Variants in RABGAP1L observed in about 807,000 individuals in gnomAD.
The protein encoded by RABGAP1L is rab GTPase-activating protein 1-like.
A neutral mutation model predicts 137.7 loss-of-function variants in RABGAP1L; 63 were observed. The observed-to-expected ratio is 0.46, with a 90% CI of 0.37 to 0.56. The LOEUF (loss-of-function observed/expected upper bound fraction) is 0.56. RABGAP1L is among the 20% of genes least tolerant of loss of function. RABGAP1L has a pLI of 0.00. For missense variants in RABGAP1L, 1,095 were observed against 1,244.0 expected, an observed-to-expected ratio of 0.88 and a Z score of 1.80; for synonymous variants, 431 against 433.7, an observed-to-expected ratio of 0.99 and a Z score of 0.08.
At chr1:174,639,370 A>T (rs1363381574) in intron 14 of RABGAP1L, among the ~76,000 whole-genome samples, 1 of 152,178 alleles carries the variant, frequency 6.6e-6, no homozygotes, top group Non-Finnish European at 1.5e-5. Flanking sequence ...GGATGCCACA[A>T]AAAAAGGTAT....
At chr1:174,285,820 CTTT>C (rs1203424702) in intron 10 of RABGAP1L, among the ~76,000 whole-genome samples, 1 of 152,060 alleles carries the variant, frequency 6.6e-6, no homozygotes, top group East Asian at 1.9e-4. Flanking sequence ...TGAATTTTGT[CTTT>C]TTCTGAATCT....
At chr1:174,833,466 A>ATATATATATATATATATACAT (rs71117580) in intron 19 of RABGAP1L, among the ~76,000 whole-genome samples, 1 of 61,120 alleles carries the variant, frequency 1.6e-5, no homozygotes, top group East Asian at 3.9e-4. Flanking sequence ...ATATATATAT[A>ATATATATATATATATATACAT]TAGTAGAGAC....
chr1:174,986,641 A>G (rs1051036474), intron 24 of RABGAP1L, among the ~76,000 whole-genome samples: 2 of 152,228 alleles, frequency 1.3e-5, no homozygotes, highest in Non-Finnish European at 2.9e-5. Context: ...TTTCTGTAGG[A>G]TAAAATCAGA....
chr1:174,484,676 C>T (rs1446461193), intron 13 of RABGAP1L, among the ~76,000 whole-genome samples: 1 of 152,154 alleles, frequency 6.6e-6, no homozygotes, highest in East Asian at 1.9e-4. Flanking sequence ...ATTTTCTGAG[C>T]AACTTTGTCA....
chr1:174,968,905 G>GT (rs1442887196), intron 20 of RABGAP1L, among the ~76,000 whole-genome samples: 2 of 152,152 alleles, frequency 1.3e-5, no homozygotes, highest in Non-Finnish European at 2.9e-5. Context: ...TTCTCTTGAG[G>GT]TCAAGGGTGA....
chr1:174,318,634 T>TTC (rs1553272637), intron 11 of RABGAP1L, among the ~76,000 whole-genome samples: 120 of 90,576 alleles, frequency 1.3e-3, no homozygotes, highest in African/African-American at 4.1e-3. Context: ...CTTTCTTTCT[T>TTC]TTTCTTTCTT....
At chr1:174,434,893 C>T (rs1419628160) in intron 13 of RABGAP1L, among the ~76,000 whole-genome samples, 1 of 152,134 alleles carries the variant, frequency 6.6e-6, no homozygotes, top group Non-Finnish European at 1.5e-5. Flanking sequence ...CTTTGTTAGA[C>T]ATATGTTTTG....
intron 13 of RABGAP1L, among the ~76,000 whole-genome samples, chr1:174,467,605 T>C (rs916874308): frequency 2.6e-5 from 4 of 152,144 alleles, no homozygotes; most frequent in Admixed American, 2.6e-4. Context: ...TGACAAGTAC[T>C]GTAAATATAT....
intron 13 of RABGAP1L, among the ~76,000 whole-genome samples, chr1:174,550,899 C>T (rs866484887): frequency 0.066 from 3,349 of 51,114 alleles, 253 homozygotes; most frequent in African/African-American, 0.22. Context: ...TATATATACA[C>T]ACACACATAT....
At chr1:174,256,788 A>G (rs973787472) in intron 7 of RABGAP1L, among the ~76,000 whole-genome samples, 1 of 152,200 alleles carries the variant, frequency 6.6e-6, no homozygotes, top group Non-Finnish European at 1.5e-5. Context: ...TCAACAAAAC[A>G]AAACAAAACA....
intron 10 of RABGAP1L, among the ~76,000 whole-genome samples, chr1:174,297,676 A>T (rs552418096): frequency 6.6e-6 from 1 of 152,158 alleles, no homozygotes; most frequent in East Asian, 1.9e-4. Context: ...TCAGAGACCT[A>T]TCTAAGGGTT....
chr1:174,463,964 T>G (rs183257415), intron 13 of RABGAP1L, among the ~76,000 whole-genome samples: 477 of 152,304 alleles, frequency 3.1e-3, no homozygotes, highest in Non-Finnish European at 4.5e-3. Context: ...TTATACTACA[T>G]ATTGGATTAC....
At chr1:174,671,055 T>G (rs1206351070) in intron 14 of RABGAP1L, among the ~76,000 whole-genome samples, 1 of 152,206 alleles carries the variant, frequency 6.6e-6, no homozygotes, top group Non-Finnish European at 1.5e-5. Flanking sequence ...CCAGCATTTG[T>G]TATTGCCTGT....
intron 11 of RABGAP1L, among the ~76,000 whole-genome samples, chr1:174,350,767 C>T (rs1164935073): frequency 2.3e-5 from 1 of 44,140 alleles, no homozygotes; most frequent in Non-Finnish European, 4.5e-5. Flanking sequence ...TGTAGTGAGC[C>T]GAGATCACGC....
chr1:174,882,118 C>A (rs546114187), intron 19 of RABGAP1L, among the ~76,000 whole-genome samples: 1 of 152,100 alleles, frequency 6.6e-6, no homozygotes, highest in South Asian at 2.1e-4. Flanking sequence ...ACCTCGGCCT[C>A]CCAGAGTGCT....
chr1:174,302,731 A>C (rs1405703220), intron 10 of RABGAP1L, among the ~76,000 whole-genome samples: 1 of 152,176 alleles, frequency 6.6e-6, no homozygotes. Context: ...TGTAGGTTTG[A>C]TATTAAAATA....
intron 19 of RABGAP1L, among the ~76,000 whole-genome samples, chr1:174,889,073 G>T (rs1179852094): frequency 6.6e-6 from 1 of 151,454 alleles, no homozygotes; most frequent in Non-Finnish European, 1.5e-5. Context: ...TACTTAATTA[G>T]CTCTTTTGTT....
Position 174,805,648 on chromosome 1 carries a change from C to T in RABGAP1L, c.2212-6184C>T, listed in dbSNP as rs369717977. 2.6e-5 allele frequency among the ~76,000 whole-genome samples: 4 copies of T among 152,134 alleles called. No individual in the cohort carries two copies. The South Asian group carries it at 6.2e-4, about 24-fold the overall frequency. On this transcript the variant is annotated intron_variant, in intron 18 of 25. Transcript: ENST00000681986. ...TCCCAAGTAGCTGAGACTACAGGTGCGTGCCACCACGCCCAGCTAATTTTT... is the reference window on the plus strand; with the variant it reads ...TCCCAAGTAGCTGAGACTACAGGTGTGTGCCACCACGCCCAGCTAATTTTT...
intron 18 of RABGAP1L, among the ~76,000 whole-genome samples, chr1:174,794,126 A>G (rs1311741193): frequency 6.6e-6 from 1 of 152,188 alleles, no homozygotes; most frequent in Non-Finnish European, 1.5e-5. Flanking sequence ...TTGCAAAATC[A>G]TTGAAGGTTC....
Sources: gnomAD v4.1 joint callset for allele counts (sites outside exome capture counted in the v4.1 genomes callset) on GRCh38, gnomAD v4.1.1 for gene constraint, MANE v1.5 for transcripts, NCBI Gene and HGNC (gene_info 2026-07-23, HGNC 2026-07-21) for gene names.